HYCC1: variants seen among roughly 807,000 people sequenced by gnomAD.
HYCC1 encodes the protein hyccin PI4KA lipid kinase complex subunit 1.
the HYCC1 span, chr7:22,985,836 A>G: frequency 6.7e-6 from 1 of 148,864 alleles, no homozygotes; most frequent in Non-Finnish European, 1.5e-5. Flanking sequence ...ATTTATATAT[A>G]TAAAATGCAT....
At chr7:22,992,718 G>C in the HYCC1 span, among the ~76,000 whole-genome samples, 2 of 152,092 alleles carry the variant, frequency 1.3e-5, no homozygotes, top group South Asian at 2.1e-4. Flanking sequence ...ATGCACAAAA[G>C]TTTTCTTTTG....
At chr7:22,968,445 T>C in the HYCC1 span, among the ~76,000 whole-genome samples, 130 of 152,272 alleles carry the variant, frequency 8.5e-4, 1 homozygote, top group South Asian at 4.2e-4. Flanking sequence ...ACATAAGCAA[T>C]CTACCTCTGA....
At chr7:22,915,374 C>G in the HYCC1 span, among the ~76,000 whole-genome samples, 8 of 152,346 alleles carry the variant, frequency 5.3e-5, no homozygotes, top group African/African-American at 1.9e-4. Flanking sequence ...GGACCTCATC[C>G]CCCAGGATCT....
chr7:22,904,777 C>G, the HYCC1 span, among the ~76,000 whole-genome samples: 1 of 150,210 alleles, frequency 6.7e-6, no homozygotes, highest in Non-Finnish European at 1.5e-5. Context: ...AACCCTGTCT[C>G]TACTAAAAAT....
At chr7:22,946,917 T>G in the HYCC1 span, 3 of 1,517,202 alleles carry the variant, frequency 2.0e-6, no homozygotes, top group Non-Finnish European at 2.7e-6. Flanking sequence ...CAACTGCTGC[T>G]TAACATGCAT....
chr7:22,997,970 T>C, the HYCC1 span, among the ~76,000 whole-genome samples: 2 of 152,166 alleles, frequency 1.3e-5, no homozygotes, highest in Admixed American at 1.3e-4. Context: ...TGTGTTTCTG[T>C]TGGAAAAGCT....
the HYCC1 span, among the ~76,000 whole-genome samples, chr7:22,947,881 G>A: frequency 0.46 from 70,134 of 151,866 alleles, 16,134 homozygotes; most frequent in East Asian, 0.51. Context: ...TTAACAGTAA[G>A]TATTAATGTG....
chr7:22,952,153 T>C, the HYCC1 span, among the ~76,000 whole-genome samples: 1 of 151,946 alleles, frequency 6.6e-6, no homozygotes, highest in Non-Finnish European at 1.5e-5. Context: ...TCCCTCACTA[T>C]ATAATAAGGG....
chr7:23,010,803 T>A, the HYCC1 span, among the ~76,000 whole-genome samples: 1 of 152,218 alleles, frequency 6.6e-6, no homozygotes, highest in Non-Finnish European at 1.5e-5. Flanking sequence ...TACATTATTG[T>A]AAATGCACAG....
chr7:22,898,627 G>C, the HYCC1 span, among the ~76,000 whole-genome samples: 3 of 135,990 alleles, frequency 2.2e-5, no homozygotes, highest in African/African-American at 5.6e-5. Context: ...TTTTGAGACA[G>C]AGCCTCGTTC....
chr7:23,005,636 T>C, the HYCC1 span, among the ~76,000 whole-genome samples: 70 of 152,300 alleles, frequency 4.6e-4, 1 homozygote, highest in African/African-American at 1.6e-3. Context: ...CAGTATAAAT[T>C]TGGGTCTCAT....
the HYCC1 span, among the ~76,000 whole-genome samples, chr7:22,899,907 G>T: frequency 6.6e-6 from 1 of 151,652 alleles, no homozygotes; most frequent in Non-Finnish European, 1.5e-5. Flanking sequence ...AAAATAATCT[G>T]AAGAGAAATT....
the HYCC1 span, among the ~76,000 whole-genome samples, chr7:22,967,981 T>C: frequency 2.4e-4 from 36 of 152,306 alleles, no homozygotes; most frequent in African/African-American, 8.4e-4. Flanking sequence ...CTTTAGGAAC[T>C]AGTCTTTCCC....
the HYCC1 span, among the ~76,000 whole-genome samples, chr7:22,897,372 A>C: frequency 6.6e-6 from 1 of 152,178 alleles, no homozygotes; most frequent in African/African-American, 2.4e-5. Context: ...GTTTTATAAA[A>C]TTGGCTCTGG....
At chr7:22,925,101 A>G in the HYCC1 span, among the ~76,000 whole-genome samples, 1 of 152,218 alleles carries the variant, frequency 6.6e-6, no homozygotes, top group Non-Finnish European at 1.5e-5. Flanking sequence ...GTAAACTCCA[A>G]CAGACCTGCA....
chr7:22,928,977 T>C, the HYCC1 span, among the ~76,000 whole-genome samples: 1 of 152,190 alleles, frequency 6.6e-6, no homozygotes, highest in East Asian at 1.9e-4. Flanking sequence ...AGCATGGTAC[T>C]GGTACCAAAA....
At chr7:22,964,264 AAG>A in the HYCC1 span, 1 of 613,650 alleles carries the variant, frequency 1.6e-6, no homozygotes, top group Non-Finnish European at 2.9e-6. Context: ...AATAGTTTTA[AAG>A]TATTAAAACT....
At chr7:23,003,171 T>C in the HYCC1 span, among the ~76,000 whole-genome samples, 1 of 152,170 alleles carries the variant, frequency 6.6e-6, no homozygotes, top group East Asian at 1.9e-4. Flanking sequence ...CCACTAAAGC[T>C]GCAGTAAGCT....
the HYCC1 span, among the ~76,000 whole-genome samples, chr7:22,962,035 G>A: frequency 1.3e-5 from 2 of 151,910 alleles, no homozygotes; most frequent in South Asian, 2.1e-4. Flanking sequence ...CCTAAAAACT[G>A]GCAAGAACAT....
Sources: gnomAD v4.1 joint callset for allele counts (sites outside exome capture counted in the v4.1 genomes callset) on GRCh38, gnomAD v4.1.1 for gene constraint, MANE v1.5 for transcripts, NCBI Gene and HGNC (gene_info 2026-07-23, HGNC 2026-07-21) for gene names.